Variants in FBXL20 observed in about 807,000 individuals in gnomAD.
FBXL20 encodes the protein F-box/LRR-repeat protein 20.
In FBXL20, 11 loss-of-function variants were observed where a neutral mutation model predicts 64.0. That is an observed-to-expected ratio of 0.17 (90% CI 0.11 to 0.28). The LOEUF is 0.28. FBXL20 is among the 10% of genes least tolerant of loss of function. FBXL20 has a pLI of 1.00. For missense variants in FBXL20, 303 were observed against 526.2 expected (o/e 0.58, Z 4.15); for synonymous variants, 184 against 189.0 (o/e 0.97, Z 0.22).
At chr17:39,402,200 G>A, upstream of FBXL20, 7 of 1,232,412 alleles carry the variant, frequency 5.7e-6, no homozygotes, top group Non-Finnish European at 7.1e-6. Flanking sequence ...AGTGCAGCAG[G>A]CGGTCCCTGC....
intron 1 of FBXL20, among the ~76,000 whole-genome samples, chr17:39,380,830 G>A (rs1288892251): frequency 6.6e-6 from 1 of 152,160 alleles, no homozygotes; most frequent in Non-Finnish European, 1.5e-5. Context: ...ACAGGAAAGA[G>A]AAAACTCACC....
Position 39,315,393 on chromosome 17 carries a change from T to TTATATATATATATATA in FBXL20, c.105-11770_105-11755dup, listed in dbSNP as rs59563317. On this transcript the variant is annotated intron_variant, in intron 2 of 14. Coordinates refer to ENST00000264658, the MANE Select transcript of FBXL20 (RefSeq NM_032875.3). ...TATTAATGGGCAAAGTTTAAATAAT[T>TTATATATATATATATA]TATATATATATATATATATAGTACA... Among the ~76,000 whole-genome samples, 444 of 134,490 alleles carry TTATATATATATATATA rather than the reference T, an allele frequency of 3.3e-3. 8 individuals carry two copies. Among genetic ancestry groups the TTATATATATATATATA allele is most frequent in the African/African-American group, 9.1e-3 (308 of 33,906 alleles). 88.2% of individuals were successfully genotyped at this position (134,490 alleles called of 152,430 possible). A position where few individuals can be genotyped will look rare whatever the true frequency, so the allele number is the denominator to read the frequency against.
At chr17:39,334,261 C>G (rs1378217302) in intron 2 of FBXL20, among the ~76,000 whole-genome samples, 3 of 151,976 alleles carry the variant, frequency 2.0e-5, no homozygotes, top group African/African-American at 7.3e-5. Context: ...TAAACAGATG[C>G]TTGAAGGCAG....
At chr17:39,349,324 CAAAAAAAAAAA>C (rs1170336581) in intron 1 of FBXL20, among the ~76,000 whole-genome samples, 4 of 40,516 alleles carry the variant, frequency 9.9e-5, no homozygotes, top group African/African-American at 2.0e-4. Context: ...GATTCCATCT[CAAAAAAAAAAA>C]AAAAAAAAAA....
At chr17:39,390,490 G>A (rs1052016168) in intron 1 of FBXL20, among the ~76,000 whole-genome samples, 6 of 151,968 alleles carry the variant, frequency 3.9e-5, no homozygotes, top group African/African-American at 1.5e-4. Context: ...TAACCTGGGA[G>A]GCAGAGGTTG....
intron 1 of FBXL20, among the ~76,000 whole-genome samples, chr17:39,359,361 G>A (rs1323029254): frequency 6.6e-6 from 1 of 151,724 alleles, no homozygotes; most frequent in African/African-American, 2.4e-5. Context: ...CAACAGAGGT[G>A]GGCCTGCAAT....
chr17:39,276,298 GAA>G, intron 9 of FBXL20, among the ~76,000 whole-genome samples: 1 of 149,212 alleles, frequency 6.7e-6, no homozygotes, highest in Middle Eastern at 3.4e-3. Context: ...ATAAAGAAAG[GAA>G]AGAAAGGAAG....
At chr17:39,282,998 A>G (rs560930026) in intron 7 of FBXL20, 143 bp from the exon 8 acceptor site, 2 of 890,142 alleles carry the variant, frequency 2.2e-6, no homozygotes, top group Non-Finnish European at 3.4e-6. Context: ...CCTAATGTAT[A>G]TTTAGATTTA....
chr17:39,285,567 A>G lies in FBXL20; in HGVS notation c.405T>C (p.Cys135=). 4 of 1,593,102 alleles carry G rather than the reference A, an allele frequency of 2.5e-6. No individual in the cohort carries two copies. The highest frequency in any genetic ancestry group is 3.4e-6 in the Non-Finnish European group (4 of 1,170,392). ...NGCTKTTDAT[C]TSLSKFCSKL... Reference sequence around the variant, plus strand: ...TGGAACAGAACTTGCTAAGGCTAGTACATGTACTGAAAAATGGAAAAAGGA... The same window carrying G: ...TGGAACAGAACTTGCTAAGGCTAGTGCATGTACTGAAAAATGGAAAAAGGA... Residue 135 remains cysteine (C), a synonymous_variant, in exon 7 of 15, where the codon TGT becomes TGC. Transcript: ENST00000264658.
chr17:39,385,364 G>T (rs1165401037), intron 1 of FBXL20, among the ~76,000 whole-genome samples: 1 of 152,210 alleles, frequency 6.6e-6, no homozygotes, highest in Admixed American at 6.5e-5. Context: ...TCTGGGGAAT[G>T]AGGTGGGGAG....
intron 2 of FBXL20, among the ~76,000 whole-genome samples, chr17:39,333,989 G>T (rs2047493816): frequency 6.6e-6 from 1 of 152,240 alleles, no homozygotes; most frequent in Admixed American, 6.5e-5. Context: ...AGCTCATTGA[G>T]AACGGGCCAC....
intron 6 of FBXL20, among the ~76,000 whole-genome samples, chr17:39,294,654 T>C (rs944911970): frequency 6.6e-6 from 1 of 152,270 alleles, no homozygotes; most frequent in East Asian, 1.9e-4. Context: ...ATGTGGAAAT[T>C]TGAATATTGA....
chr17:39,379,110 C>T (rs943965286), intron 1 of FBXL20, among the ~76,000 whole-genome samples: 6 of 150,088 alleles, frequency 4.0e-5, no homozygotes, highest in African/African-American at 1.5e-4. Context: ...CCTATAATCC[C>T]AGCTACTTGG....
At chr17:39,362,593 G>A (rs963291449) in intron 1 of FBXL20, among the ~76,000 whole-genome samples, 3 of 151,750 alleles carry the variant, frequency 2.0e-5, no homozygotes, top group Non-Finnish European at 4.4e-5. Context: ...AAAGTGCTGG[G>A]ATTACAGGCG....
intron 11 of FBXL20, among the ~76,000 whole-genome samples, chr17:39,270,206 C>T (rs1350259955): frequency 6.6e-6 from 1 of 152,042 alleles, no homozygotes; most frequent in Non-Finnish European, 1.5e-5. Flanking sequence ...CACAAAGTAC[C>T]AAGAAGCACC....
intron 1 of FBXL20, among the ~76,000 whole-genome samples, chr17:39,355,874 AAAG>A (rs1265158064): frequency 3.1e-4 from 46 of 150,594 alleles, no homozygotes; most frequent in African/African-American, 1.1e-3. Context: ...AAAAAAAAAA[AAAG>A]AACTCCTTTG....
At chr17:39,373,183 T>C (rs1168779030) in intron 1 of FBXL20, among the ~76,000 whole-genome samples, 1 of 152,154 alleles carries the variant, frequency 6.6e-6, no homozygotes, top group African/African-American at 2.4e-5. Context: ...TCCCCACTCC[T>C]GGTTTACACA....
At position 39,260,750 on chromosome 17, in the gene FBXL20, T is replaced by G. The variant is rs931160859; in HGVS notation, c.*710A>C. 1 of 152,658 alleles carries G rather than the reference T, an allele frequency of 6.6e-6. No individual in the cohort carries two copies. Among genetic ancestry groups the G allele is most frequent in the Non-Finnish European group, 1.5e-5 (1 of 68,216 alleles). The allele number at this position is 152,658 out of a possible 1,614,324, so 9.5% of individuals were successfully genotyped here. ...ACAGGTGACAGACTGAGCAAGAGTG[T>G]GGGGGGGAGCAACAGAGAATGTAAG... On this transcript the variant is annotated 3_prime_UTR_variant, in exon 15 of 15. Coordinates refer to ENST00000264658, the MANE Select transcript of FBXL20 (RefSeq NM_032875.3).
chr17:39,282,798 C>A lies in FBXL20; in HGVS notation c.552G>T (p.Lys184Asn), dbSNP rs772508728. Residue 184 changes from lysine (K) to asparagine (N), a missense_variant, in exon 8 of 15, where the codon AAG (lysine) becomes AAT (asparagine). Lys to Asn is a moderately conservative substitution (Grantham distance 94). Around this residue, in one of 3 missense-constraint regions of FBXL20, gnomAD observed 246 missense variants for 422.6 expected, o/e 0.58. Coordinates refer to ENST00000264658, the MANE Select transcript of FBXL20 (RefSeq NM_032875.3). ...LNISWCDQVT[K>N]DGIQALVRGC... The stretch of plus-strand genomic sequence containing the variant: ...CCCTCACTAGTGCTTGAATGCCATC[C>A]TTGGTTACTTGGTCACACCAGGAAA... 1 of 1,614,154 alleles carries A rather than the reference C, an allele frequency of 6.2e-7. No homozygotes were observed. Among genetic ancestry groups the A allele is most frequent in the South Asian group, 1.1e-5 (1 of 91,084 alleles).
Sources: gnomAD v4.1 joint callset for allele counts (sites outside exome capture counted in the v4.1 genomes callset) on GRCh38, gnomAD v4.1.1 for gene constraint, gnomAD v4.1.1 regional missense constraint, MANE v1.5 for transcripts, NCBI Gene and HGNC (gene_info 2026-07-23, HGNC 2026-07-21) for gene names.